The following DAB1 variants were observed in gnomAD, a reference collection of about 807,000 sequenced individuals.
The protein encoded by DAB1 is DAB adaptor protein 1, also known as disabled homolog 1.
DAB1 carries 15 observed loss-of-function variants against 64.6 expected under a neutral mutation model. The ratio of observed to expected loss-of-function variants is 0.23; its 90% CI spans 0.16 to 0.36. DAB1 has a LOEUF of 0.36. Ranked by LOEUF, DAB1 falls within the 10% of genes least tolerant of loss-of-function variation. DAB1 has a pLI of 1.00. For missense variants in DAB1, 596 were observed against 706.7 expected, an observed-to-expected ratio of 0.84 and a Z score of 1.78; for synonymous variants, 235 against 251.9, an observed-to-expected ratio of 0.93 and a Z score of 0.64.
At chr1:57,168,026 G>A (rs1569702758) in intron 2 of DAB1, among the ~76,000 whole-genome samples, 1 of 152,270 alleles carries the variant, frequency 6.6e-6, no homozygotes, top group East Asian at 1.9e-4. Context: ...AGCAGAGATT[G>A]TAAAAGTTGC....
chr1:58,083,365 A>T (rs1038312796), intron 5 of DAB1, among the ~76,000 whole-genome samples: 1 of 152,096 alleles, frequency 6.6e-6, no homozygotes, highest in East Asian at 1.9e-4. Flanking sequence ...CAGTCTTTCT[A>T]CTCACTCTTC....
intron 2 of DAB1, among the ~76,000 whole-genome samples, chr1:57,162,159 C>G (rs996748761): frequency 9.2e-5 from 14 of 152,240 alleles, no homozygotes; most frequent in Admixed American, 3.3e-4. Flanking sequence ...GTTGTTGCTT[C>G]ATCATCTTCC....
chr1:57,082,381 AAG>A (rs1050951002), intron 4 of DAB1, among the ~76,000 whole-genome samples: 3 of 152,334 alleles, frequency 2.0e-5, no homozygotes, highest in African/African-American at 7.2e-5. Flanking sequence ...TCCAAACCAT[AAG>A]AGAGTCTTTA....
At chr1:57,465,176 A>G (rs775936869) in intron 7 of DAB1, among the ~76,000 whole-genome samples, 5 of 152,156 alleles carry the variant, frequency 3.3e-5, no homozygotes, top group Non-Finnish European at 7.3e-5. Context: ...AGCAGATTAA[A>G]TACGGAAAAA....
intron 1 of DAB1, among the ~76,000 whole-genome samples, chr1:57,295,537 T>C (rs77585309): frequency 0.041 from 6,237 of 152,216 alleles, 419 homozygotes; most frequent in African/African-American, 0.14. Context: ...AAGCCTCAGT[T>C]TCCTCATCAG....
At chr1:57,550,930 G>A (rs1035521860) in intron 7 of DAB1, among the ~76,000 whole-genome samples, 1 of 152,120 alleles carries the variant, frequency 6.6e-6, no homozygotes, top group African/African-American at 2.4e-5. Context: ...CTTATATACA[G>A]TAATTAGTTC....
chr1:57,657,745 A>T (rs1646335894), intron 6 of DAB1, among the ~76,000 whole-genome samples: 4 of 152,228 alleles, frequency 2.6e-5, no homozygotes, highest in Admixed American at 2.6e-4. Flanking sequence ...GGCATTAGTA[A>T]GTAAGAAAAT....
intron 4 of DAB1, chr1:58,343,287 A>ATGGATG (rs1557735791): frequency 1.7e-4 from 13 of 74,890 alleles, no homozygotes; most frequent in African/African-American, 7.3e-4. Context: ...ATGGATGGAT[A>ATGGATG]GATGGATGGA....
intron 5 of DAB1, among the ~76,000 whole-genome samples, chr1:57,910,266 A>G (rs1190986858): frequency 6.6e-6 from 1 of 152,154 alleles, no homozygotes; most frequent in African/African-American, 2.4e-5. Flanking sequence ...TGCATTCTTG[A>G]GCCACAGCAT....
chr1:57,342,834 T>C (rs1677717058), intron 1 of DAB1, among the ~76,000 whole-genome samples: 1 of 149,798 alleles, frequency 6.7e-6, no homozygotes, highest in Non-Finnish European at 1.5e-5. Context: ...TTCCTCGCGG[T>C]GGGTTCGTGG....
chr1:57,203,842 C>A (rs1166819568), intron 2 of DAB1, among the ~76,000 whole-genome samples: 1 of 152,120 alleles, frequency 6.6e-6, no homozygotes, highest in Non-Finnish European at 1.5e-5. Flanking sequence ...GGAGCTAAGA[C>A]CTCTTTGATG....
At chr1:58,134,074 T>G (rs1303968158) in intron 5 of DAB1, among the ~76,000 whole-genome samples, 1 of 152,230 alleles carries the variant, frequency 6.6e-6, no homozygotes, top group African/African-American at 2.4e-5. Flanking sequence ...TTTTCCTTAG[T>G]TATCAAATAA....
At position 57,414,309 on chromosome 1, in the gene DAB1, C is replaced by T. The variant is rs143565401; in HGVS notation, c.-137+9621G>A. 1.8e-4 allele frequency among the ~76,000 whole-genome samples: 28 copies of T among 152,316 alleles called. No homozygotes were observed. In the South Asian group the frequency reaches 2.9e-3, roughly 16 times the overall value. ...CCCAGCTACTTCAATCTTCAGTAAC[C>T]ACCACCTTAATCAGTCAGTAGCCAC... On this transcript the variant is annotated intron_variant, in intron 1 of 14. Coordinates refer to ENST00000371236, the MANE Select transcript of DAB1 (RefSeq NM_001365792.1).
At chr1:57,926,404 A>T (rs1644880069) in intron 5 of DAB1, among the ~76,000 whole-genome samples, 1 of 152,198 alleles carries the variant, frequency 6.6e-6, no homozygotes, top group Admixed American at 6.5e-5. Flanking sequence ...CAGGTTTCAC[A>T]TGTAAATTAG....
At chr1:57,914,550 A>G (rs1644697477) in intron 5 of DAB1, among the ~76,000 whole-genome samples, 1 of 152,192 alleles carries the variant, frequency 6.6e-6, no homozygotes, top group Non-Finnish European at 1.5e-5. Context: ...GTGCACATGT[A>G]CCCTAATACT....
At chr1:58,121,889 C>T (rs1008772922) in intron 5 of DAB1, among the ~76,000 whole-genome samples, 1 of 152,196 alleles carries the variant, frequency 6.6e-6, no homozygotes, top group East Asian at 1.9e-4. Flanking sequence ...TAAGTAGAAG[C>T]GAAAAGAGTT....
At chr1:57,459,610 A>G (rs1428742128) in intron 7 of DAB1, among the ~76,000 whole-genome samples, 1 of 152,208 alleles carries the variant, frequency 6.6e-6, no homozygotes, top group Non-Finnish European at 1.5e-5. Context: ...TGGACATTAA[A>G]CTAGAAGAGA....
At position 58,387,094 on chromosome 1, in the gene DAB1, C is replaced by A. The variant is rs563294460; in HGVS notation, n.258-43691G>T. Among the ~76,000 whole-genome samples, 84 of 152,008 alleles carry A rather than the reference C, an allele frequency of 5.5e-4. 1 individual carries two copies. The highest frequency in any genetic ancestry group is 3.9e-3 in the Admixed American group (59 of 15,246). On this transcript the variant is annotated intron_variant and non_coding_transcript_variant, in intron 3 of 20. Coordinates refer to the DAB1 transcript ENST00000485760. ...AAAACAAAACAAAAAAACAAACAAA[C>A]AAAAAAAGTGTTTTGGAAATTTAAA...
chr1:57,037,203 A>C (rs1647196325), intron 9 of DAB1, among the ~76,000 whole-genome samples: 1 of 152,208 alleles, frequency 6.6e-6, no homozygotes, highest in South Asian at 2.1e-4. Context: ...ATAAACTCTC[A>C]GTAGGAATAA....
Sources: gnomAD v4.1 joint callset for allele counts (sites outside exome capture counted in the v4.1 genomes callset) on GRCh38, gnomAD v4.1.1 for gene constraint, MANE v1.5 for transcripts, NCBI Gene and HGNC (gene_info 2026-07-23, HGNC 2026-07-21) for gene names.